H2AZ2: variants seen among roughly 807,000 people sequenced by gnomAD.
The protein encoded by H2AZ2 is H2A.Z variant histone 2, also known as histone H2A.V.
In H2AZ2, 5 loss-of-function variants were observed where a neutral mutation model predicts 15.5. The observed-to-expected ratio is 0.32, with a 90% CI of 0.17 to 0.68. The LOEUF is 0.68. H2AZ2 is among the 30% of genes least tolerant of loss of function. H2AZ2 has a pLI of 0.72. For synonymous variants in H2AZ2, 44 were observed against 57.4 expected (o/e 0.77, Z 1.05); for missense variants, 42 against 162.5 (o/e 0.26, Z 4.03).
At chr7:44,843,484 T>C (rs1384428155) in intron 1 of H2AZ2, 130 bp from the exon 2 acceptor site, 2 of 612,812 alleles carry the variant, frequency 3.3e-6, no homozygotes, top group African/African-American at 3.7e-5. Flanking sequence ...CCTTCCTCAT[T>C]TGTAAATATA....
chr7:44,843,687 T>A (rs1793331319), intron 1 of H2AZ2, among the ~76,000 whole-genome samples: 1 of 152,090 alleles, frequency 6.6e-6, no homozygotes, highest in Non-Finnish European at 1.5e-5. Context: ...GCCTCCTGAG[T>A]AGCTGAGATT....
At position 44,832,623 on chromosome 7, in the gene H2AZ2, A is replaced by G. The variant is rs1793018555; in HGVS notation, c.*1878T>C. Among the ~76,000 whole-genome samples the G allele has an allele frequency of 6.6e-6, 1 of 152,218 alleles. No homozygotes were observed. Among genetic ancestry groups the G allele is most frequent in the Non-Finnish European group, 1.5e-5 (1 of 68,042 alleles). On this transcript the variant is annotated 3_prime_UTR_variant, in exon 5 of 5. Transcript: ENST00000308153. ...GCAAGCAGAAAAATATAATTTTCTA[A>G]GGGTCAATTAACTAGTACATTAACT... is the stretch of plus-strand genomic sequence containing the variant.
intron 2 of H2AZ2, 99 bp downstream of exon 2, chr7:44,843,169 AAAAAAAGTC>A: frequency 7.0e-6 from 2 of 284,856 alleles, no homozygotes; most frequent in Non-Finnish European, 1.3e-5. Context: ...AAAAAAAAAA[AAAAAAAGTC>A]TGTAGTAATA....
At chr7:44,830,107 AACCTTGCCGTC>A (rs1293060609), downstream of H2AZ2, 1 of 1,611,124 alleles carries the variant, frequency 6.2e-7, no homozygotes, top group Non-Finnish European at 8.5e-7. Flanking sequence ...AAATCAGCAA[AACCTTGCCGTC>A]ACCTAATACA....
chr7:44,841,590 A>G (rs1317701631), intron 2 of H2AZ2, among the ~76,000 whole-genome samples: 1 of 151,942 alleles, frequency 6.6e-6, no homozygotes, highest in Non-Finnish European at 1.5e-5. Flanking sequence ...GCTCACTGCA[A>G]CCTCCGCCTC....
intron 3 of H2AZ2, among the ~76,000 whole-genome samples, chr7:44,837,222 G>A (rs1486933085): frequency 6.6e-6 from 1 of 151,576 alleles, no homozygotes; most frequent in Non-Finnish European, 1.5e-5. Flanking sequence ...TTTAAATAGA[G>A]CAGTGTTGGG....
In H2AZ2 at chr7:44,833,514, C is replaced by A. The variant is rs1272387869; in HGVS notation, c.*987G>T. The A allele has an allele frequency of 5.8e-6, 1 of 172,658 alleles. No individual in the cohort carries two copies. Among genetic ancestry groups the A allele is most frequent in the Non-Finnish European group, 1.2e-5 (1 of 86,850 alleles). 10.7% of individuals were successfully genotyped at this position (172,658 alleles called of 1,614,324 possible). ...CCTCCCAAAGTGCTGGGATTACAGG[C>A]GTGAGCCACCGCGCCTGGCCGAGAC... is the stretch of plus-strand genomic sequence containing the variant. On this transcript the variant is annotated 3_prime_UTR_variant, in exon 5 of 5. Coordinates refer to ENST00000308153, the MANE Select transcript of H2AZ2 (RefSeq NM_012412.5).
At chr7:44,827,940 G>C (rs1478323090), downstream of H2AZ2, 2 of 152,186 alleles carry the variant, frequency 1.3e-5, no homozygotes, top group Non-Finnish European at 2.9e-5. Flanking sequence ...AACATACATA[G>C]TAATTTAGTT....
intron 3 of H2AZ2, among the ~76,000 whole-genome samples, chr7:44,835,955 C>CTTTT (rs56386314): frequency 2.2e-5 from 2 of 90,892 alleles, no homozygotes; most frequent in Admixed American, 1.2e-4. Context: ...TTAGAAAAGT[C>CTTTT]TTTTTTTTTT....
At chr7:44,838,949 T>A (rs1185786350) in intron 3 of H2AZ2, among the ~76,000 whole-genome samples, 5 of 152,214 alleles carry the variant, frequency 3.3e-5, no homozygotes, top group Non-Finnish European at 7.3e-5. Flanking sequence ...CAATCTGGAA[T>A]GTAGCTGAAG....
chr7:44,832,429 A>G lies in H2AZ2; in HGVS notation c.*2072T>C, dbSNP rs1335785863. 6.6e-6 allele frequency among the ~76,000 whole-genome samples: 1 copy of G among 152,192 alleles called. No individual in the cohort carries two copies. The highest frequency in any genetic ancestry group is 1.5e-5 in the Non-Finnish European group (1 of 68,040). ...GCAGGGGATAGGTGGGGATGCAGGT[A>G]AACAAGACTGACCACAGGACAGCTG... On this transcript the variant is annotated 3_prime_UTR_variant, in exon 5 of 5. Transcript: ENST00000308153.
At chr7:44,831,097 G>A (rs1048718861), downstream of H2AZ2, among the ~76,000 whole-genome samples, 1 of 152,216 alleles carries the variant, frequency 6.6e-6, no homozygotes, top group South Asian at 2.1e-4. Context: ...AACCTGGGAG[G>A]TGGAGGTTGC....
At position 44,847,967 on chromosome 7, in the gene H2AZ2, A is replaced by C; in HGVS notation, c.3+2T>G. ...GCCCCCGGCCCACCCGGCCGCCCTTACCATGTTCTCGGCGCCGACTCCGCC... is the reference window on the plus strand; with the variant it reads ...GCCCCCGGCCCACCCGGCCGCCCTTCCCATGTTCTCGGCGCCGACTCCGCC... On this transcript the variant is annotated splice_donor_variant, in intron 1 of 4. Transcript: ENST00000308153. LOFTEE classifies it high-confidence loss of function. The C allele has an allele frequency of 1.4e-6, 2 of 1,470,480 alleles. No individual in the cohort carries two copies. Among genetic ancestry groups the C allele is most frequent in the Non-Finnish European group, 1.8e-6 (2 of 1,115,538 alleles). 91.1% of individuals were successfully genotyped at this position (1,470,480 alleles called of 1,614,324 possible).
chr7:44,843,427 A>AT, intron 1 of H2AZ2, 73 bp from the exon 2 acceptor site: 4 of 1,054,368 alleles, frequency 3.8e-6, no homozygotes, highest in Middle Eastern at 2.4e-4. Flanking sequence ...TGGAAACAGA[A>AT]TTTTTTCTAG....
rs763264908 is a variant in H2AZ2, at chr7:44,832,181, C to T, written c.*2320G>A. ...TCTAGATCTTGCCTGGATCTTGACT[C>T]GAATAAACCAACTGTTAAAAAAAAC... On this transcript the variant is annotated 3_prime_UTR_variant, in exon 5 of 5. Transcript: ENST00000308153. Among the ~76,000 whole-genome samples the T allele has an allele frequency of 1.3e-5, 2 of 151,748 alleles. No individual in the cohort carries two copies. The highest frequency in any genetic ancestry group is 4.8e-5 in the African/African-American group (2 of 41,274).
chr7:44,847,130 C>A (rs1793430837), intron 1 of H2AZ2, among the ~76,000 whole-genome samples: 1 of 152,156 alleles, frequency 6.6e-6, no homozygotes, highest in Admixed American at 6.5e-5. Flanking sequence ...GCTTAAAGCA[C>A]GAATACCGGC....
chr7:44,830,602 T>C (rs1792986338), downstream of H2AZ2, among the ~76,000 whole-genome samples: 1 of 152,242 alleles, frequency 6.6e-6, no homozygotes, highest in African/African-American at 2.4e-5. Flanking sequence ...TCTCTCTGCT[T>C]AAGTGCCATT....
rs1793020429 is a variant in H2AZ2, at chr7:44,832,678, G to A, written c.*1823C>T. ...TAACAGTTACTTAGCGCAGGGCATG[G>A]TGGCTTATGCCTATAATCCCAGTAC... On this transcript the variant is annotated 3_prime_UTR_variant, in exon 5 of 5. Coordinates refer to ENST00000308153, the MANE Select transcript of H2AZ2 (RefSeq NM_012412.5). 6.6e-6 allele frequency among the ~76,000 whole-genome samples: 1 copy of A among 152,194 alleles called. No homozygotes were observed. The highest frequency in any genetic ancestry group is 2.1e-4 in the South Asian group (1 of 4,832).
chr7:44,837,133 A>T (rs1562786242), intron 3 of H2AZ2, among the ~76,000 whole-genome samples: 1 of 152,026 alleles, frequency 6.6e-6, no homozygotes, highest in Non-Finnish European at 1.5e-5. Context: ...CAAACTCCTG[A>T]CCTTGTGATC....
Sources: allele counts gnomAD v4.1 joint callset (sites outside exome capture counted in the v4.1 genomes callset), GRCh38; gene constraint gnomAD v4.1.1; transcripts MANE v1.5; gene names NCBI Gene and HGNC (gene_info 2026-07-23, HGNC 2026-07-21).